The following RBMS1 variants were observed in gnomAD, a reference collection of about 807,000 sequenced individuals.
RBMS1 encodes RNA binding motif single stranded interacting protein 1.
A neutral mutation model predicts 62.3 loss-of-function variants in RBMS1; 17 were observed. That is an observed-to-expected ratio of 0.27 (90% confidence interval 0.19 to 0.41). The LOEUF (loss-of-function observed/expected upper bound fraction) is 0.41. Ranked by LOEUF, RBMS1 falls within the 10% of genes least tolerant of loss-of-function variation. The pLI, the probability that RBMS1 is intolerant of heterozygous loss-of-function variation, is 1.00. For synonymous variants in RBMS1, 172 were observed against 170.0 expected (o/e 1.01, Z -0.09); for missense variants, 334 against 504.5 (o/e 0.66, Z 3.24).
At chr2:160,452,103 T>G (rs1684016303) in intron 1 of RBMS1, among the ~76,000 whole-genome samples, 3 of 152,146 alleles carry the variant, frequency 2.0e-5, no homozygotes, top group Admixed American at 6.5e-5. Context: ...AGAGTCCTTG[T>G]CATCTGGATC....
chr2:160,297,080 A>T (rs1688974588), intron 6 of RBMS1, among the ~76,000 whole-genome samples: 1 of 152,220 alleles, frequency 6.6e-6, no homozygotes, highest in South Asian at 2.1e-4. Flanking sequence ...GCTGGAAAGT[A>T]GGACTTTTAG....
At chr2:160,282,297 T>C in intron 9 of RBMS1, 2 of 1,367,890 alleles carry the variant, frequency 1.5e-6, no homozygotes, top group Non-Finnish European at 2.0e-6. Flanking sequence ...TCTGGTTTCC[T>C]TTGCCACCTA....
chr2:160,426,225 G>GAAAGAAAGA, intron 1 of RBMS1, among the ~76,000 whole-genome samples: 1 of 78,052 alleles, frequency 1.3e-5, no homozygotes, highest in Admixed American at 1.4e-4. Context: ...ACAGAAGAAA[G>GAAAGAAAGA]AAAGAAAGAA....
At chr2:160,292,086 C>G (rs534629363) in intron 6 of RBMS1, among the ~76,000 whole-genome samples, 8 of 152,298 alleles carry the variant, frequency 5.3e-5, no homozygotes, top group African/African-American at 7.2e-5. Context: ...GCAGGAACAT[C>G]TGTGTGTGGA....
intron 1 of RBMS1, among the ~76,000 whole-genome samples, chr2:160,448,074 C>A (rs1225819492): frequency 6.6e-6 from 1 of 152,126 alleles, no homozygotes; most frequent in African/African-American, 2.4e-5. Context: ...ACAGGACCAG[C>A]CATAAAATGC....
intron 2 of RBMS1, among the ~76,000 whole-genome samples, chr2:160,330,011 G>A (rs1691168081): frequency 6.6e-6 from 1 of 152,048 alleles, no homozygotes; most frequent in South Asian, 2.1e-4. Flanking sequence ...ACAAGTACTA[G>A]CAAAGTCCTT....
At chr2:160,403,534 C>T (rs1298589547) in intron 1 of RBMS1, among the ~76,000 whole-genome samples, 1 of 152,200 alleles carries the variant, frequency 6.6e-6, no homozygotes, top group Non-Finnish European at 1.5e-5. Flanking sequence ...CAGCTACACC[C>T]AGTTAATCTT....
At position 160,284,996 on chromosome 2, in the gene RBMS1, C is replaced by G. The variant is rs575475784; in HGVS notation, c.805G>C (p.Gly269Arg). Residue 269 changes from glycine to arginine, a missense_variant and splice_region_variant, in exon 8 of 14, where the codon GGA becomes CGA. Coordinates refer to ENST00000348849, the MANE Select transcript of RBMS1 (RefSeq NM_016836.4). ...YDPTTAAIQN[G>R]FYPSPYSIAT... Reference sequence around the variant, plus strand: ...TATGGATTTATTTTAACGACATACCCGTTCTGTATAGCAGCTGTAGTTGGG... The same window carrying G: ...TATGGATTTATTTTAACGACATACCGGTTCTGTATAGCAGCTGTAGTTGGG... The G allele has an allele frequency of 1.2e-6, 2 of 1,612,644 alleles. No individual in the cohort carries two copies. Among genetic ancestry groups the G allele is most frequent in the South Asian group, 2.2e-5 (2 of 91,032 alleles).
At chr2:160,315,054 A>C (rs1395213252) in intron 3 of RBMS1, among the ~76,000 whole-genome samples, 1 of 152,232 alleles carries the variant, frequency 6.6e-6, no homozygotes, top group African/African-American at 2.4e-5. Flanking sequence ...AAATTACAGT[A>C]AACAGAAGAT....
At chr2:160,346,080 C>T (rs1248613746) in intron 2 of RBMS1, among the ~76,000 whole-genome samples, 7 of 152,060 alleles carry the variant, frequency 4.6e-5, no homozygotes, top group Non-Finnish European at 8.8e-5. Context: ...CTTCTCCGGT[C>T]TTTAGGGTTT....
intron 1 of RBMS1, among the ~76,000 whole-genome samples, chr2:160,477,333 C>T (rs932437224): frequency 6.6e-6 from 1 of 151,958 alleles, no homozygotes; most frequent in Non-Finnish European, 1.5e-5. Context: ...GGCTACAGAG[C>T]GAGACTCTGT....
At chr2:160,277,659 AG>A (rs1384458456) in intron 11 of RBMS1, 1 of 324,118 alleles carries the variant, frequency 3.1e-6, no homozygotes, top group Non-Finnish European at 5.8e-6. Context: ...AAGATAAAAA[AG>A]TTTGTCACTC....
At chr2:160,342,795 G>A (rs906856481) in intron 2 of RBMS1, among the ~76,000 whole-genome samples, 7 of 150,870 alleles carry the variant, frequency 4.6e-5, no homozygotes, top group South Asian at 2.1e-4. Flanking sequence ...AAAAATAGCC[G>A]GGTACGGTGG....
chr2:160,479,938 G>A (rs1685298801), intron 1 of RBMS1, among the ~76,000 whole-genome samples: 1 of 151,896 alleles, frequency 6.6e-6, no homozygotes, highest in Non-Finnish European at 1.5e-5. Context: ...AGCTGAATAT[G>A]GCAATAATCA....
chr2:160,380,173 A>T (rs1461497515), intron 1 of RBMS1, among the ~76,000 whole-genome samples: 1 of 152,158 alleles, frequency 6.6e-6, no homozygotes, highest in Non-Finnish European at 1.5e-5. Flanking sequence ...CTCCTCACTC[A>T]CCACAGAGAA....
chr2:160,451,324 C>T (rs1024775468), intron 1 of RBMS1, among the ~76,000 whole-genome samples: 7 of 151,948 alleles, frequency 4.6e-5, no homozygotes, highest in Non-Finnish European at 7.4e-5. Context: ...TCAAAATATC[C>T]GTGATTAACC....
At chr2:160,450,108 T>A (rs2105317090) in intron 1 of RBMS1, among the ~76,000 whole-genome samples, 1 of 152,292 alleles carries the variant, frequency 6.6e-6, no homozygotes, top group East Asian at 1.9e-4. Flanking sequence ...CAGCACTTGC[T>A]GCCATCCTGA....
intron 1 of RBMS1, among the ~76,000 whole-genome samples, chr2:160,408,253 G>C (rs888066750): frequency 4.0e-5 from 6 of 151,632 alleles, no homozygotes; most frequent in African/African-American, 1.2e-4. Flanking sequence ...TCGTCGCTTC[G>C]GGGACCACTC....
At chr2:160,351,164 C>T (rs1314606269) in intron 2 of RBMS1, among the ~76,000 whole-genome samples, 36 of 111,374 alleles carry the variant, frequency 3.2e-4, no homozygotes, top group South Asian at 1.3e-3. Flanking sequence ...CACCACACAC[C>T]GGGGCCTGTC....
Sources: allele counts gnomAD v4.1 joint callset (sites outside exome capture counted in the v4.1 genomes callset), GRCh38; gene constraint gnomAD v4.1.1; transcripts MANE v1.5; gene names NCBI Gene and HGNC (gene_info 2026-07-23, HGNC 2026-07-21).